The following GPHN variants were observed in gnomAD, a reference collection of about 807,000 sequenced individuals.
GPHN encodes gephyrin.
GPHN carries 17 observed loss-of-function variants against 95.5 expected under a neutral mutation model. That is an observed-to-expected ratio of 0.18 (90% confidence interval 0.12 to 0.27). The LOEUF (loss-of-function observed/expected upper bound fraction) is 0.27. Among genes scored for constraint, GPHN ranks in the 10% least tolerant of loss-of-function variants. The pLI is 1.00. For synonymous variants in GPHN, 320 were observed against 322.5 expected, an observed-to-expected ratio of 0.99 and a Z score of 0.08; for missense variants, 660 against 978.1, an observed-to-expected ratio of 0.67 and a Z score of 4.34.
At chr14:67,168,901 G>A (rs775848644) in intron 20 of GPHN, 32 bp from the exon 21 acceptor site, 8 of 1,298,610 alleles carry the variant, frequency 6.2e-6, no homozygotes, top group East Asian at 2.3e-5. Context: ...GTTACACAGT[G>A]TATTATAAAT....
At chr14:67,316,264 G>A in the GPHN span, among the ~76,000 whole-genome samples, 23,509 of 151,998 alleles carry the variant, frequency 0.15, 3,432 homozygotes, top group East Asian at 0.42. Context: ...TATTAATTTT[G>A]TAAGGAAAAG....
intron 4 of GPHN, among the ~76,000 whole-genome samples, chr14:66,860,371 G>T (rs1454484844): frequency 6.6e-6 from 1 of 152,026 alleles, no homozygotes. Flanking sequence ...AGTATATCTG[G>T]TGAAAATATC....
the GPHN span, among the ~76,000 whole-genome samples, chr14:67,413,222 T>C: frequency 6.6e-6 from 1 of 152,236 alleles, no homozygotes; most frequent in Admixed American, 6.5e-5. Flanking sequence ...CAAATAGTAC[T>C]GATTCTGTCT....
chr14:67,241,669 C>G, the GPHN span: 4 of 152,396 alleles, frequency 2.6e-5, no homozygotes, highest in African/African-American at 9.7e-5. Flanking sequence ...CGGGAGACCC[C>G]TGGCAGCCAG....
the GPHN span, among the ~76,000 whole-genome samples, chr14:67,365,619 T>C: frequency 6.6e-6 from 1 of 152,254 alleles, no homozygotes; most frequent in Admixed American, 6.5e-5. Context: ...ATGTAAATCA[T>C]CACCTTTGTG....
the GPHN span, among the ~76,000 whole-genome samples, chr14:67,202,751 C>G: frequency 6.6e-6 from 1 of 152,194 alleles, no homozygotes; most frequent in South Asian, 2.1e-4. Context: ...CTAACTGTTA[C>G]CAGAACATCA....
At chr14:66,966,841 ATAG>A (rs1011913597) in intron 9 of GPHN, among the ~76,000 whole-genome samples, 21 of 152,086 alleles carry the variant, frequency 1.4e-4, no homozygotes, top group East Asian at 5.8e-4. Flanking sequence ...TTAATTATAC[ATAG>A]TAGTTCTTGA....
At chr14:67,701,091 A>G in the GPHN span, among the ~76,000 whole-genome samples, 4 of 151,080 alleles carry the variant, frequency 2.6e-5, no homozygotes, top group African/African-American at 7.3e-5. Context: ...GGAGAGGATT[A>G]TCATTTCAAC....
At chr14:67,154,841 A>G (rs1409929886) in intron 18 of GPHN, among the ~76,000 whole-genome samples, 1 of 152,186 alleles carries the variant, frequency 6.6e-6, no homozygotes, top group Non-Finnish European at 1.5e-5. Context: ...TATAAAAACT[A>G]TGTAAAATTT....
intron 5 of GPHN, among the ~76,000 whole-genome samples, chr14:66,895,598 T>C (rs1042519846): frequency 2.6e-5 from 4 of 152,142 alleles, no homozygotes; most frequent in African/African-American, 9.7e-5. Flanking sequence ...AAACAGAAGA[T>C]ACTAGAATAA....
chr14:67,695,571 T>C, the GPHN span: 2 of 1,529,206 alleles, frequency 1.3e-6, no homozygotes, highest in African/African-American at 1.4e-5. Context: ...GGGGATTCTA[T>C]GTTTCCCTCC....
At chr14:67,059,108 T>C in intron 11 of GPHN, 1 of 415,546 alleles carries the variant, frequency 2.4e-6, no homozygotes, top group Admixed American at 4.1e-5. Context: ...CAGCACTGAG[T>C]GAGGAAAGTA....
the GPHN span, among the ~76,000 whole-genome samples, chr14:67,614,023 C>T: frequency 6.6e-6 from 1 of 152,210 alleles, no homozygotes; most frequent in East Asian, 1.9e-4. Flanking sequence ...CAGCCCCGAC[C>T]TCTTGGGCTC....
the GPHN span, chr14:67,345,991 A>G: frequency 1.5e-6 from 1 of 668,782 alleles, no homozygotes; most frequent in Admixed American, 2.6e-5. Context: ...ACTAATCTTC[A>G]TTGAATGTAA....
At chr14:67,464,048 G>A in the GPHN span, among the ~76,000 whole-genome samples, 1 of 152,082 alleles carries the variant, frequency 6.6e-6, no homozygotes, top group African/African-American at 2.4e-5. Flanking sequence ...TGTGCATGAG[G>A]TGGCGCAGGG....
chr14:66,813,715 C>A (rs2060849697), intron 3 of GPHN, among the ~76,000 whole-genome samples: 1 of 152,166 alleles, frequency 6.6e-6, no homozygotes, highest in Admixed American at 6.5e-5. Context: ...TCACTTGCTC[C>A]CATAAGAGAC....
At chr14:67,566,110 G>A in the GPHN span, among the ~76,000 whole-genome samples, 8 of 152,084 alleles carry the variant, frequency 5.3e-5, no homozygotes, top group South Asian at 2.1e-4. Flanking sequence ...CAGAGGAGAC[G>A]ATCTCCAAAA....
At chr14:66,923,573 T>TA (rs1373109668) in intron 7 of GPHN, among the ~76,000 whole-genome samples, 2 of 152,174 alleles carry the variant, frequency 1.3e-5, no homozygotes, top group Admixed American at 1.3e-4. Context: ...TACCATGAGT[T>TA]ACTTGAGTAA....
chr14:66,827,531 C>T (rs2061429104), intron 4 of GPHN, among the ~76,000 whole-genome samples: 1 of 152,052 alleles, frequency 6.6e-6, no homozygotes. Flanking sequence ...TGGCTGTGAC[C>T]GTTCAGTGAG....
Sources: gnomAD v4.1 joint callset for allele counts (sites outside exome capture counted in the v4.1 genomes callset) on GRCh38, gnomAD v4.1.1 for gene constraint, MANE v1.5 for transcripts, NCBI Gene and HGNC (gene_info 2026-07-23, HGNC 2026-07-21) for gene names.